Variants in AGBL4 observed in about 807,000 individuals in gnomAD.
The protein encoded by AGBL4 is cytosolic carboxypeptidase 6.
AGBL4 carries 58 observed loss-of-function variants against 66.4 expected under a neutral mutation model. The ratio of observed to expected loss-of-function variants is 0.87; its 90% CI spans 0.71 to 1.09. The LOEUF is 1.09. AGBL4 is among the 50% of genes least tolerant of loss of function. AGBL4 has a pLI of 0.00. For synonymous variants in AGBL4, 234 were observed against 222.9 expected, an observed-to-expected ratio of 1.05 and a Z score of -0.44; for missense variants, 579 against 631.0, an observed-to-expected ratio of 0.92 and a Z score of 0.88.
chr1:49,020,703 G>T lies in AGBL4; in HGVS notation c.594+24881C>A, dbSNP rs143092858. ...TAGAGATAACTGAAAAGAAACAGGA[G>T]CCCAGAGCAAGATCTAACTCCAAGA... On this transcript the variant is annotated intron_variant, in intron 5 of 13. Transcript: ENST00000371839. Among the ~76,000 whole-genome samples the T allele has an allele frequency of 4.5e-4, 68 of 152,290 alleles. 1 individual carries two copies. In the South Asian group the frequency reaches 9.5e-3, roughly 21 times the overall value.
At chr1:49,446,528 G>C (rs1044523931) in intron 3 of AGBL4, among the ~76,000 whole-genome samples, 7 of 152,174 alleles carry the variant, frequency 4.6e-5, no homozygotes, top group African/African-American at 1.7e-4. Context: ...TAATGAGGTA[G>C]TGCTGGGAAC....
chr1:48,920,293 A>G (rs1653972561), intron 5 of AGBL4, among the ~76,000 whole-genome samples: 1 of 152,214 alleles, frequency 6.6e-6, no homozygotes, highest in Admixed American at 6.5e-5. Flanking sequence ...TAGTTTCACC[A>G]GTGATCCATA....
chr1:48,704,197 G>C (rs750666144), intron 6 of AGBL4, among the ~76,000 whole-genome samples: 7 of 152,148 alleles, frequency 4.6e-5, no homozygotes, highest in Non-Finnish European at 7.3e-5. Context: ...GAAAAGGTAC[G>C]GTAAAATATA....
intron 4 of AGBL4, among the ~76,000 whole-genome samples, chr1:49,085,797 G>T (rs958448819): frequency 1.3e-5 from 2 of 152,100 alleles, no homozygotes; most frequent in Non-Finnish European, 2.9e-5. Context: ...AAAAATGGGA[G>T]ACCCTCTCTA....
chr1:49,775,030 T>C (rs961337831), intron 2 of AGBL4, among the ~76,000 whole-genome samples: 11 of 152,142 alleles, frequency 7.2e-5, no homozygotes, highest in African/African-American at 2.4e-4. Flanking sequence ...ACACAGGCAA[T>C]GTAATAAAGA....
intron 2 of AGBL4, among the ~76,000 whole-genome samples, chr1:49,791,163 T>C (rs922879155): frequency 1.6e-4 from 25 of 152,228 alleles, no homozygotes; most frequent in African/African-American, 6.0e-4. Context: ...TAGACTTTCA[T>C]AAGTGAAGCA....
At chr1:48,839,138 A>G (rs1318790555) in intron 6 of AGBL4, among the ~76,000 whole-genome samples, 1 of 152,170 alleles carries the variant, frequency 6.6e-6, no homozygotes, top group African/African-American at 2.4e-5. Flanking sequence ...AGAAACTACA[A>G]TTAGAAATAA....
At chr1:49,269,106 G>C (rs1430139322) in intron 3 of AGBL4, 1 of 152,144 alleles carries the variant, frequency 6.6e-6, no homozygotes, top group African/African-American at 2.4e-5. Context: ...CAGTGGATGA[G>C]ACTACATTGA....
intron 2 of AGBL4, among the ~76,000 whole-genome samples, chr1:49,811,671 T>C (rs993470419): frequency 3.9e-5 from 6 of 152,106 alleles, no homozygotes; most frequent in African/African-American, 1.4e-4. Flanking sequence ...CCCAGATTGA[T>C]CTCGAACTCC....
At chr1:48,811,419 C>G (rs1428803764) in intron 6 of AGBL4, among the ~76,000 whole-genome samples, 1 of 152,144 alleles carries the variant, frequency 6.6e-6, no homozygotes, top group Non-Finnish European at 1.5e-5. Flanking sequence ...TCTGTATGTT[C>G]CTGGACAGCT....
intron 2 of AGBL4, among the ~76,000 whole-genome samples, chr1:49,733,043 G>T (rs932842620): frequency 6.6e-6 from 1 of 152,060 alleles, no homozygotes; most frequent in African/African-American, 2.4e-5. Context: ...TTAAAAAGGG[G>T]AAATAACTTA....
At chr1:49,923,861 T>C (rs1652504328) in intron 1 of AGBL4, among the ~76,000 whole-genome samples, 1 of 152,164 alleles carries the variant, frequency 6.6e-6, no homozygotes, top group Non-Finnish European at 1.5e-5. Context: ...GATTCTACAA[T>C]GTTGGGGGAA....
chr1:49,439,916 T>G (rs554539829), intron 3 of AGBL4, among the ~76,000 whole-genome samples: 1 of 152,300 alleles, frequency 6.6e-6, no homozygotes, highest in African/African-American at 2.4e-5. Flanking sequence ...CTATTAGTTC[T>G]GTCCCTCTAG....
At chr1:48,675,928 G>C (rs1646357921) in intron 6 of AGBL4, among the ~76,000 whole-genome samples, 1 of 152,196 alleles carries the variant, frequency 6.6e-6, no homozygotes, top group Admixed American at 6.5e-5. Context: ...AATCTTTCTT[G>C]AATAAAATAA....
At chr1:49,992,195 C>T (rs1422019668) in intron 1 of AGBL4, among the ~76,000 whole-genome samples, 1 of 152,036 alleles carries the variant, frequency 6.6e-6, no homozygotes, top group Admixed American at 6.5e-5. Flanking sequence ...CACGGTGAAA[C>T]CCCGTCTCTA....
At chr1:49,177,636 C>G (rs914226307) in intron 4 of AGBL4, among the ~76,000 whole-genome samples, 2 of 152,000 alleles carry the variant, frequency 1.3e-5, no homozygotes, top group African/African-American at 4.8e-5. Context: ...AATTGAGTGC[C>G]ATGTCTTCTG....
chr1:49,914,802 G>A (rs1351171270), intron 1 of AGBL4, among the ~76,000 whole-genome samples: 1 of 152,102 alleles, frequency 6.6e-6, no homozygotes, highest in Admixed American at 6.5e-5. Context: ...CTGAAGCCTA[G>A]GAAGTCTAAG....
intron 4 of AGBL4, among the ~76,000 whole-genome samples, chr1:49,067,392 T>C (rs747422855): frequency 6.6e-6 from 1 of 152,258 alleles, no homozygotes; most frequent in Non-Finnish European, 1.5e-5. Flanking sequence ...GTCTCAGGAC[T>C]ATGACATGAC....
chr1:49,000,316 T>C (rs1050884135), intron 5 of AGBL4, among the ~76,000 whole-genome samples: 2 of 152,126 alleles, frequency 1.3e-5, no homozygotes, highest in East Asian at 3.9e-4. Context: ...ACCTTTATGA[T>C]CAAGTGATCT....
Sources: allele counts gnomAD v4.1 joint callset (sites outside exome capture counted in the v4.1 genomes callset), GRCh38; gene constraint gnomAD v4.1.1; transcripts MANE v1.5; gene names NCBI Gene and HGNC (gene_info 2026-07-23, HGNC 2026-07-21).